Variants in SGCZ observed in about 807,000 individuals in gnomAD.
SGCZ encodes zeta-sarcoglycan.
SGCZ carries 40 observed loss-of-function variants against 41.3 expected under a neutral mutation model. That is an observed-to-expected ratio of 0.97 (90% confidence interval 0.75 to 1.26). The LOEUF (loss-of-function observed/expected upper bound fraction) is 1.26, where lower values mean the gene tolerates loss of function less well. Ranked by LOEUF, SGCZ falls within the 50% of genes most tolerant of loss-of-function variation. SGCZ has a pLI of 0.00. For missense variants in SGCZ, 552 were observed against 369.8 expected (o/e 1.49, Z -4.04); for synonymous variants, 206 against 137.5 (o/e 1.50, Z -3.49).
intron 2 of SGCZ, among the ~76,000 whole-genome samples, chr8:14,351,974 G>A (rs1025201156): frequency 5.3e-5 from 8 of 151,976 alleles, no homozygotes; most frequent in Admixed American, 2.0e-4. Context: ...CGTCAACCTC[G>A]ATGTCCTTTT....
chr8:14,692,059 G>C (rs1016243136), intron 1 of SGCZ, among the ~76,000 whole-genome samples: 1 of 151,884 alleles, frequency 6.6e-6, no homozygotes, highest in African/African-American at 2.4e-5. Flanking sequence ...TCTCAAGAAT[G>C]TCAACAACAT....
intron 1 of SGCZ, among the ~76,000 whole-genome samples, chr8:14,969,829 T>C (rs1388629929): frequency 6.6e-6 from 1 of 152,106 alleles, no homozygotes; most frequent in Non-Finnish European, 1.5e-5. Context: ...AAATATGATA[T>C]AGACATTTAT....
chr8:14,958,240 C>T (rs925825399), intron 1 of SGCZ, among the ~76,000 whole-genome samples: 1 of 151,794 alleles, frequency 6.6e-6, no homozygotes, highest in Non-Finnish European at 1.5e-5. Flanking sequence ...AGTTTACCCT[C>T]CTAGGTTTTT....
chr8:14,440,697 GTATA>G (rs1800227011), intron 2 of SGCZ, among the ~76,000 whole-genome samples: 3 of 66,150 alleles, frequency 4.5e-5, no homozygotes, highest in African/African-American at 9.8e-5. Context: ...ACACGTATAT[GTATA>G]TATGTATATA....
rs1159427357 is a variant in SGCZ at position 14,630,271 on chromosome 8, C to G, written c.40-75345G>C. Among the ~76,000 whole-genome samples, 4 of 151,012 alleles carry G rather than the reference C, an allele frequency of 2.6e-5. No homozygotes were observed. The Admixed American group carries it at 2.6e-4, about 10-fold the overall frequency. On this transcript the variant is annotated intron_variant, in intron 1 of 7. Transcript: ENST00000382080. Reference sequence around the variant, plus strand: ...TTTGGTTTCTCTAGTGGGAATAAATCTGCTTATGTCTGCTCTGTGGAAAAA... The same window carrying G: ...TTTGGTTTCTCTAGTGGGAATAAATGTGCTTATGTCTGCTCTGTGGAAAAA...
At chr8:14,420,647 A>C (rs867561218) in intron 2 of SGCZ, among the ~76,000 whole-genome samples, 1 of 152,044 alleles carries the variant, frequency 6.6e-6, no homozygotes, top group Non-Finnish European at 1.5e-5. Flanking sequence ...GATGCATTAG[A>C]TCCTGTTCAG....
At chr8:14,291,305 A>T (rs1800833188) in intron 3 of SGCZ, among the ~76,000 whole-genome samples, 1 of 151,416 alleles carries the variant, frequency 6.6e-6, no homozygotes, top group Non-Finnish European at 1.5e-5. Flanking sequence ...GGTTTTTAAT[A>T]TTCTTACTGC....
chr8:15,060,398 T>C (rs1804877934), intron 1 of SGCZ, among the ~76,000 whole-genome samples: 1 of 151,340 alleles, frequency 6.6e-6, no homozygotes, highest in Non-Finnish European at 1.5e-5. Flanking sequence ...AAACCATCAT[T>C]CTCAGCAAAC....
At position 14,324,134 on chromosome 8, in the gene SGCZ, G is replaced by T; in HGVS notation, c.305C>A (p.Pro102Gln). The change falls in exon 3 of 8, where the codon CCA becomes CAA. Residue 102 changes from proline (P) to glutamine (Q), a missense_variant. By Grantham distance (76) the Pro-to-Gln change is moderately conservative. Transcript: ENST00000382080. ...AGAATGAATTTCTTTCACATACAATGGAAGTAGAAACTCAGATATACCTTC... is the reference window on the plus strand; with the variant it reads ...AGAATGAATTTCTTTCACATACAATTGAAGTAGAAACTCAGATATACCTTC... ...RLEGISEFLLPLYVKEIHSRK... is the reference protein window; with the variant it reads ...RLEGISEFLLQLYVKEIHSRK... The T allele has an allele frequency of 6.2e-7, 1 of 1,612,522 alleles. No individual in the cohort carries two copies. The highest frequency in any genetic ancestry group is 8.5e-7 in the Non-Finnish European group (1 of 1,179,196).
chr8:14,733,577 C>T (rs1362553127), intron 1 of SGCZ, among the ~76,000 whole-genome samples: 1 of 152,130 alleles, frequency 6.6e-6, no homozygotes, highest in African/African-American at 2.4e-5. Context: ...TTCCTTGAAT[C>T]TTTTCTTGTT....
intron 2 of SGCZ, among the ~76,000 whole-genome samples, chr8:14,410,044 A>G (rs1799317104): frequency 6.6e-6 from 1 of 152,122 alleles, no homozygotes; most frequent in Admixed American, 6.6e-5. Flanking sequence ...GTAACCAGCC[A>G]GCATTACCGT....
chr8:15,049,570 G>T (rs890918178), intron 1 of SGCZ, among the ~76,000 whole-genome samples: 1 of 152,158 alleles, frequency 6.6e-6, no homozygotes. Flanking sequence ...AGGAGTGGAA[G>T]CATGGAGACC....
chr8:14,301,956 A>G (rs906563531), intron 3 of SGCZ, among the ~76,000 whole-genome samples: 28 of 152,206 alleles, frequency 1.8e-4, no homozygotes, highest in African/African-American at 6.3e-4. Flanking sequence ...GCTGCCTTTC[A>G]TTTACAGTTC....
At chr8:14,181,711 T>C (rs149267428) in intron 4 of SGCZ, among the ~76,000 whole-genome samples, 1 of 152,328 alleles carries the variant, frequency 6.6e-6, no homozygotes, top group African/African-American at 2.4e-5. Flanking sequence ...TGCCTGCTGC[T>C]ATGTAATACA....
intron 1 of SGCZ, among the ~76,000 whole-genome samples, chr8:14,706,711 T>C (rs1019941149): frequency 2.0e-5 from 3 of 152,116 alleles, no homozygotes; most frequent in African/African-American, 7.2e-5. Flanking sequence ...TAAAATGATT[T>C]ATTCTTATAA....
intron 2 of SGCZ, among the ~76,000 whole-genome samples, chr8:14,426,925 A>G (rs143872002): frequency 6.6e-6 from 1 of 152,244 alleles, no homozygotes; most frequent in Non-Finnish European, 1.5e-5. Flanking sequence ...CAAAATTGTT[A>G]TTATTTATTA....
In SGCZ at chr8:15,020,038, G is replaced by A. The variant is rs552385201; in HGVS notation, c.39+217547C>T. The stretch of plus-strand genomic sequence containing the variant: ...TGCATATATTTTATGAGCATTTAGC[G>A]CACGAACCAAAATGGATTATAGCAT... On this transcript the variant is annotated intron_variant, in intron 1 of 7. Transcript: ENST00000382080. Among the ~76,000 whole-genome samples the A allele has an allele frequency of 9.2e-4, 140 of 151,670 alleles. 1 individual carries two copies. Among genetic ancestry groups the A allele is most frequent in the Middle Eastern group, 3.4e-3 (1 of 294 alleles).
intron 1 of SGCZ, among the ~76,000 whole-genome samples, chr8:14,957,728 A>T (rs1372217971): frequency 6.6e-6 from 1 of 152,062 alleles, no homozygotes; most frequent in East Asian, 1.9e-4. Flanking sequence ...TGCAAATTCA[A>T]TGTTACGTAT....
chr8:14,396,864 G>C (rs1798934753), intron 2 of SGCZ, among the ~76,000 whole-genome samples: 1 of 151,998 alleles, frequency 6.6e-6, no homozygotes, highest in Non-Finnish European at 1.5e-5. Context: ...TAGCATTATT[G>C]TGCATTTAAA....
Sources: gnomAD v4.1 joint callset for allele counts (sites outside exome capture counted in the v4.1 genomes callset) on GRCh38, gnomAD v4.1.1 for gene constraint, MANE v1.5 for transcripts, NCBI Gene and HGNC (gene_info 2026-07-23, HGNC 2026-07-21) for gene names.